Variants in SLCO3A1 observed in about 807,000 individuals in gnomAD.
SLCO3A1 encodes the protein PGE1 transporter.
A neutral mutation model predicts 63.1 loss-of-function variants in SLCO3A1; 27 were observed. The ratio of observed to expected loss-of-function variants is 0.43; its 90% CI spans 0.32 to 0.59. The LOEUF is 0.59. Ranked by LOEUF, SLCO3A1 falls within the 20% of genes least tolerant of loss-of-function variation. The probability of loss-of-function intolerance (pLI) is 0.09; values close to 1 mark genes in which losing one functional copy is unlikely to be tolerated. For synonymous variants in SLCO3A1, 473 were observed against 409.9 expected, an observed-to-expected ratio of 1.15 and a Z score of -1.86; for missense variants, 773 against 945.8, an observed-to-expected ratio of 0.82 and a Z score of 2.40.
At chr15:92,141,011 C>G (rs570614143) in intron 7 of SLCO3A1, among the ~76,000 whole-genome samples, 2 of 152,176 alleles carry the variant, frequency 1.3e-5, no homozygotes, top group South Asian at 2.1e-4. Flanking sequence ...GATATGTTCT[C>G]GTAGAACGGA....
At chr15:91,930,695 G>C (rs1219633986) in intron 2 of SLCO3A1, among the ~76,000 whole-genome samples, 7 of 152,204 alleles carry the variant, frequency 4.6e-5, no homozygotes, top group Non-Finnish European at 1.0e-4. Context: ...CCTAGCTTCT[G>C]TCTGTAGGAG....
intron 3 of SLCO3A1, among the ~76,000 whole-genome samples, chr15:92,103,149 A>G (rs1425746543): frequency 6.6e-6 from 1 of 152,140 alleles, no homozygotes; most frequent in African/African-American, 2.4e-5. Flanking sequence ...GTGTGCGGTC[A>G]TTACTCTTCC....
chr15:92,119,463 G>A (rs2047835196), intron 4 of SLCO3A1, among the ~76,000 whole-genome samples: 1 of 152,166 alleles, frequency 6.6e-6, no homozygotes, highest in East Asian at 1.9e-4. Context: ...TGAGCACCAG[G>A]ACTGAGTGGG....
At chr15:91,866,417 T>G (rs1897164849) in intron 1 of SLCO3A1, among the ~76,000 whole-genome samples, 1 of 152,088 alleles carries the variant, frequency 6.6e-6, no homozygotes, top group Non-Finnish European at 1.5e-5. Flanking sequence ...AAAGAGACTT[T>G]ATCACTGTGC....
rs112436845 is a variant in SLCO3A1 at position 91,961,092 on chromosome 15, C to T, written c.646+44634C>T. On this transcript the variant is annotated intron_variant, in intron 2 of 9. Coordinates refer to ENST00000318445, the MANE Select transcript of SLCO3A1 (RefSeq NM_013272.4). The stretch of plus-strand genomic sequence containing the variant: ...CTGAATGAAATTTGCCATTCTGCTC[C>T]GAGAGGACCCTTGACTTTAAGCATA... Among the ~76,000 whole-genome samples the T allele has an allele frequency of 7.7e-3, 1,173 of 152,256 alleles. 19 individuals carry two copies. The highest frequency in any genetic ancestry group is 0.027 in the African/African-American group (1,104 of 41,538).
At chr15:92,123,821 A>G (rs1335549012) in intron 5 of SLCO3A1, among the ~76,000 whole-genome samples, 1 of 152,226 alleles carries the variant, frequency 6.6e-6, no homozygotes, top group Non-Finnish European at 1.5e-5. Context: ...AGATGCCTAC[A>G]TCTTCTATCG....
chr15:92,098,007 T>C (rs150706078), intron 3 of SLCO3A1: 11 of 152,292 alleles, frequency 7.2e-5, no homozygotes, highest in African/African-American at 2.2e-4. Context: ...TAGGCATTAA[T>C]AGGCAAGGGC....
At chr15:92,099,884 A>C (rs1424095619) in intron 3 of SLCO3A1, among the ~76,000 whole-genome samples, 1 of 152,102 alleles carries the variant, frequency 6.6e-6, no homozygotes, top group Middle Eastern at 3.2e-3. Context: ...CAATATGGTG[A>C]AACCCTGTCT....
At chr15:91,895,571 C>T (rs887145109) in intron 1 of SLCO3A1, among the ~76,000 whole-genome samples, 14 of 152,226 alleles carry the variant, frequency 9.2e-5, no homozygotes, top group African/African-American at 3.4e-4. Context: ...CATTTGATTA[C>T]TGGGAGAAAA....
At chr15:91,934,288 G>T (rs1195619504) in intron 2 of SLCO3A1, among the ~76,000 whole-genome samples, 2 of 152,098 alleles carry the variant, frequency 1.3e-5, no homozygotes, top group African/African-American at 4.8e-5. Flanking sequence ...CCTACCCTTT[G>T]CCCCAGAGAC....
intron 2 of SLCO3A1, among the ~76,000 whole-genome samples, chr15:91,976,979 AG>A (rs1280457647): frequency 2.0e-5 from 3 of 152,166 alleles, no homozygotes; most frequent in Non-Finnish European, 4.4e-5. Flanking sequence ...ATCAGGAGAC[AG>A]GGTTTTGAGA....
At chr15:91,923,169 T>C (rs1429629869) in intron 2 of SLCO3A1, among the ~76,000 whole-genome samples, 1 of 152,220 alleles carries the variant, frequency 6.6e-6, no homozygotes, top group African/African-American at 2.4e-5. Context: ...TGGCCAGGCT[T>C]TCCATGAACG....
intron 2 of SLCO3A1, among the ~76,000 whole-genome samples, chr15:92,016,261 G>GATAGATAGATAGAT (rs1567068108): frequency 1.7e-5 from 2 of 117,524 alleles, no homozygotes; most frequent in Non-Finnish European, 3.5e-5. Context: ...AGATTAGATA[G>GATAGATAGATAGAT]ATAGATAGAT....
At chr15:92,012,742 T>TAAAA (rs33945478) in intron 2 of SLCO3A1, among the ~76,000 whole-genome samples, 1 of 126,694 alleles carries the variant, frequency 7.9e-6, no homozygotes, top group Non-Finnish European at 1.6e-5. Context: ...GTCTCTAATT[T>TAAAA]AAAAAAAAAA....
intron 9 of SLCO3A1, among the ~76,000 whole-genome samples, chr15:92,156,944 AAG>A (rs35657041): frequency 0.081 from 12,352 of 152,282 alleles, 707 homozygotes; most frequent in South Asian, 0.13. Context: ...CATTTCAACT[AAG>A]AGAGTAAATT....
intron 1 of SLCO3A1, among the ~76,000 whole-genome samples, chr15:91,857,789 G>A (rs7169208): frequency 0.13 from 19,468 of 152,102 alleles, 3,359 homozygotes; most frequent in African/African-American, 0.39. Flanking sequence ...GGAAATTAAA[G>A]CCTCTGACAC....
chr15:92,150,884 G>A lies in SLCO3A1; in HGVS notation c.1689-66G>A, dbSNP rs1238382930. 5 of 1,136,458 alleles carry A rather than the reference G, an allele frequency of 4.4e-6. No individual in the cohort carries two copies. In the East Asian group the frequency reaches 9.5e-5, roughly 22 times the overall value. 70.4% of individuals were successfully genotyped at this position (1,136,458 alleles called of 1,614,324 possible). A position where few individuals can be genotyped will look rare whatever the true frequency, so the allele number is the denominator to read the frequency against. On this transcript the variant is annotated intron_variant, in intron 8 of 9. Coordinates refer to ENST00000318445, the MANE Select transcript of SLCO3A1 (RefSeq NM_013272.4). ...ATGGACAGCAGCAAATGACTCTGGG[G>A]TCTGTTAATTACAGGGGAATGATAA...
chr15:92,147,199 C>T (rs759479422), intron 8 of SLCO3A1, 40 bp downstream of exon 8: 1 of 1,579,128 alleles, frequency 6.3e-7, no homozygotes, highest in African/African-American at 1.3e-5. Context: ...TCCTTTCCAC[C>T]TGGTGTTCAT....
At chr15:91,997,116 C>T (rs750952408) in intron 2 of SLCO3A1, among the ~76,000 whole-genome samples, 4 of 152,138 alleles carry the variant, frequency 2.6e-5, no homozygotes, top group East Asian at 3.9e-4. Flanking sequence ...AGATTCCACC[C>T]GAAGGTCCCT....
Sources: allele counts gnomAD v4.1 joint callset (sites outside exome capture counted in the v4.1 genomes callset), GRCh38; gene constraint gnomAD v4.1.1; transcripts MANE v1.5; gene names NCBI Gene and HGNC (gene_info 2026-07-23, HGNC 2026-07-21).